The following SV2A variants were observed in gnomAD, a reference collection of about 807,000 sequenced individuals.
SV2A encodes the protein synaptic vesicle glycoprotein 2A.
SV2A carries 25 observed loss-of-function variants against 78.0 expected under a neutral mutation model. The observed-to-expected ratio is 0.32, with a 90% CI of 0.23 to 0.45. SV2A has a LOEUF of 0.45. Among genes scored for constraint, SV2A ranks in the 20% least tolerant of loss-of-function variants. The pLI is 1.00. For synonymous variants in SV2A, 355 were observed against 384.7 expected (o/e 0.92, Z 0.90); for missense variants, 752 against 971.5 (o/e 0.77, Z 3.00).
Position 149,904,804 on chromosome 1 carries a change from A to T in SV2A, c.*210T>A. On this transcript the variant is annotated 3_prime_UTR_variant, in exon 13 of 13. Coordinates refer to ENST00000369146, the MANE Select transcript of SV2A (RefSeq NM_014849.5). ...AGTGGGAAATGGGGAGTACAGCTTC[A>T]TCTCAAAACTGGGATGAAGGAGCCT... 1.8e-6 allele frequency: 1 copy of T among 542,574 alleles called. No homozygotes were observed. The highest frequency in any genetic ancestry group is 3.2e-6 in the Non-Finnish European group (1 of 307,930). 33.6% of individuals were successfully genotyped at this position (542,574 alleles called of 1,614,324 possible).
chr1:149,917,465 AGT>A (rs1297935664), intron 1 of SV2A, among the ~76,000 whole-genome samples: 1 of 152,266 alleles, frequency 6.6e-6, no homozygotes, highest in East Asian at 1.9e-4. Context: ...CGAAGGGGAT[AGT>A]GGGGACTTGG....
At position 149,905,931 on chromosome 1, in the gene SV2A, G is replaced by A. The variant is rs1313491326; in HGVS notation, c.1994C>T (p.Ser665Phe). ...LCLFGGVSIASWNALDVLTVE... is the reference protein window; with the variant it reads ...LCLFGGVSIAFWNALDVLTVE... ...AGTCAACACGTCCAGCGCATTCCAG[G>A]ATGCAATGCTGACCCCGCCAAAAAG... Residue 665 changes from serine to phenylalanine, a missense_variant, in exon 12 of 13, where the codon TCC becomes TTC. Ser to Phe is a radical substitution (Grantham distance 155). Coordinates refer to ENST00000369146, the MANE Select transcript of SV2A (RefSeq NM_014849.5). 1.2e-6 allele frequency: 2 copies of A among 1,614,006 alleles called. No individual in the cohort carries two copies. The highest frequency in any genetic ancestry group is 1.7e-6 in the Non-Finnish European group (2 of 1,180,038).
In SV2A at chr1:149,905,189, G is replaced by A. The variant is rs1553762534; in HGVS notation, c.2054C>T (p.Ala685Val). 6.2e-7 allele frequency: 1 copy of A among 1,607,956 alleles called. No homozygotes were observed. The change falls in exon 13 of 13, where the codon GCT becomes GTT. Residue 685 changes from alanine (A) to valine (V), a missense_variant. Physicochemically the swap from Ala to Val is moderately conservative, Grantham distance 64 (BLOSUM62 0). Coordinates refer to ENST00000369146, the MANE Select transcript of SV2A (RefSeq NM_014849.5). Reference protein sequence around the residue: ...ELYPSDKRTTAFGFLNALCKL... With the variant: ...ELYPSDKRTTVFGFLNALCKL... ...ACACAGGGCATTCAGGAAGCCAAAA[G>A]CTGTGGTCCTGCTCAGGAGTCCCCC...
rs2092435371 is a variant in SV2A at position 149,906,000 on chromosome 1, A to G, written c.1925T>C (p.Leu642Pro). ...SVMSCVSCFF[L>P]SFGNSESAMI... Reference sequence around the variant, plus strand: ...GGCCGACTCACTGTTCCCAAAAGACAGGAAGAAGCAGGAGACACAGGACAT... The same window carrying G: ...GGCCGACTCACTGTTCCCAAAAGACGGGAAGAAGCAGGAGACACAGGACAT... Residue 642 changes from leucine to proline, a missense_variant, in exon 12 of 13, where the codon CTG becomes CCG. Physicochemically the swap from Leu to Pro is moderately conservative, Grantham distance 98. This residue lies in a region of SV2A where 186 missense variants were observed against 274.6 expected (regional missense o/e 0.68). Transcript: ENST00000369146. 6.2e-7 allele frequency: 1 copy of G among 1,614,216 alleles called. No homozygotes were observed. The highest frequency in any genetic ancestry group is 8.5e-7 in the Non-Finnish European group (1 of 1,180,036).
Position 149,912,335 on chromosome 1 carries a change from A to G in SV2A, c.623-355T>C, listed in dbSNP as rs186254077. On this transcript the variant is annotated intron_variant, in intron 2 of 12. Transcript: ENST00000369146. ...CACAGACCACCCCAGGGTCCTCTCT[A>G]TTCTCCCTGCTTTGATCCCTCAAAG... Among the ~76,000 whole-genome samples the G allele has an allele frequency of 1.2e-3, 178 of 152,024 alleles. 2 individuals carry two copies. Among genetic ancestry groups the G allele is most frequent in the East Asian group, 7.5e-3 (39 of 5,168 alleles).
intron 5 of SV2A, 91 bp from the exon 6 acceptor site, chr1:149,909,981 C>G: frequency 8.3e-7 from 1 of 1,211,240 alleles, no homozygotes; most frequent in Non-Finnish European, 1.2e-6. Flanking sequence ...CTTCTGTAGT[C>G]ACAGGACACT....
At chr1:149,911,694 G>T in intron 3 of SV2A, 106 bp downstream of exon 3, 1 of 1,184,240 alleles carries the variant, frequency 8.4e-7, no homozygotes, top group Non-Finnish European at 1.2e-6. Context: ...AACTCACACA[G>T]ATTTAAGGTG....
At chr1:149,916,662 C>A (rs1191095433) in intron 1 of SV2A, among the ~76,000 whole-genome samples, 3 of 152,170 alleles carry the variant, frequency 2.0e-5, no homozygotes, top group African/African-American at 7.2e-5. Context: ...GGGGTCCACC[C>A]AGATCCCCAG....
chr1:149,912,071 GA>G, intron 2 of SV2A, 91 bp from the exon 3 acceptor site: 3 of 1,341,710 alleles, frequency 2.2e-6, no homozygotes, highest in East Asian at 2.5e-5. Context: ...TGAAGGATCT[GA>G]AAAACTTCTA....
At chr1:149,906,143 C>A in intron 11 of SV2A, 104 bp from the exon 12 acceptor site, 2 of 1,418,018 alleles carry the variant, frequency 1.4e-6, no homozygotes, top group Non-Finnish European at 1.9e-6. Context: ...CAGGATGAGA[C>A]TTGTTCCGAA....
chr1:149,904,312 TA>T lies in SV2A; in HGVS notation c.*701del, dbSNP rs1253070917. 6.5e-6 allele frequency: 1 copy of T among 152,844 alleles called. No individual in the cohort carries two copies. Among genetic ancestry groups the T allele is most frequent in the Non-Finnish European group, 1.5e-5 (1 of 68,210 alleles). The allele number at this position is 152,844 out of a possible 1,614,324, so 9.5% of individuals were successfully genotyped here. A position where few individuals can be genotyped will look rare whatever the true frequency, so the allele number is the denominator to read the frequency against. The stretch of plus-strand genomic sequence containing the variant: ...CCTTGGCTTATATTTGAGGACAGTA[TA>T]GTGATACCCCCCGCCCCATGGCACA... On this transcript the variant is annotated 3_prime_UTR_variant, in exon 13 of 13. Transcript: ENST00000369146.
At chr1:149,906,982 T>G in intron 10 of SV2A, 126 bp from the exon 11 acceptor site, 2 of 1,496,676 alleles carry the variant, frequency 1.3e-6, no homozygotes. Flanking sequence ...TTATTCACAG[T>G]GCTAATCACA....
intron 3 of SV2A, 118 bp from the exon 4 acceptor site, chr1:149,911,095 A>G: frequency 7.5e-7 from 1 of 1,334,134 alleles, no homozygotes; most frequent in South Asian, 1.5e-5. Context: ...ACTCCATCTC[A>G]CACATAAAGC....
In SV2A at chr1:149,909,841, G is replaced by C. The variant is rs2092464129; in HGVS notation, c.1139C>G (p.Thr380Ser). Reference sequence around the variant, plus strand: ...AGGATGTCCTTTGGCTCGCATGTTGGTATCATGGACCTGCTTCAGCACCAT... The same window carrying C: ...AGGATGTCCTTTGGCTCGCATGTTGCTATCATGGACCTGCTTCAGCACCAT... Reference protein sequence around the residue: ...AWMVLKQVHDTNMRAKGHPER... With the variant: ...AWMVLKQVHDSNMRAKGHPER... Residue 380 changes from threonine to serine, a missense_variant, in exon 6 of 13, where the codon ACC becomes AGC. Coordinates refer to ENST00000369146, the MANE Select transcript of SV2A (RefSeq NM_014849.5). 2.5e-6 allele frequency: 4 copies of C among 1,614,032 alleles called. No individual in the cohort carries two copies. Among genetic ancestry groups the C allele is most frequent in the Non-Finnish European group, 3.4e-6 (4 of 1,180,004 alleles).
At chr1:149,917,103 G>C (rs886339703) in intron 1 of SV2A, among the ~76,000 whole-genome samples, 38 of 151,784 alleles carry the variant, frequency 2.5e-4, no homozygotes, top group African/African-American at 8.7e-4. Context: ...CTCCACCCTT[G>C]GTCCTGCTGC....
rs2092495880 is a variant in SV2A, at chr1:149,914,003, C to T, written c.-163G>A. On this transcript the variant is annotated 5_prime_UTR_variant, in exon 2 of 13. Transcript: ENST00000369146. ...AAAAAAAAGAGCAAACAGGTCCTAG[C>T]CAATGAGTGCCTAGGAAGGAAAAGG... 1 of 1,046,332 alleles carries T rather than the reference C, an allele frequency of 9.6e-7. No homozygotes were observed. Among genetic ancestry groups the T allele is most frequent in the African/African-American group, 1.6e-5 (1 of 62,372 alleles). The allele number at this position is 1,046,332 out of a possible 1,614,324, so 64.8% of individuals were successfully genotyped here.
At chr1:149,915,107 TAGTTAACC>T (rs2092504463) in intron 1 of SV2A, among the ~76,000 whole-genome samples, 1 of 152,122 alleles carries the variant, frequency 6.6e-6, no homozygotes, top group African/African-American at 2.4e-5. Context: ...TCAGTCAGGG[TAGTTAACC>T]TCCCTAAGCC....
chr1:149,909,384 C>T lies in SV2A; in HGVS notation c.1290+77G>A. On this transcript the variant is annotated intron_variant, in intron 7 of 12. Coordinates refer to ENST00000369146, the MANE Select transcript of SV2A (RefSeq NM_014849.5). ...ACCTCCCTTCAGCTCACCCATCACC[C>T]ACACACATAGACTTCAGTCCTGCCT... 3.2e-6 allele frequency: 5 copies of T among 1,550,618 alleles called. No individual in the cohort carries two copies. In the South Asian group the frequency reaches 3.3e-5, roughly 10 times the overall value.
At chr1:149,915,054 T>A (rs2092504134) in intron 1 of SV2A, among the ~76,000 whole-genome samples, 1 of 152,010 alleles carries the variant, frequency 6.6e-6, no homozygotes, top group African/African-American at 2.4e-5. Context: ...CTGTTAGGGG[T>A]GACCTAAGTT....
Sources: gnomAD v4.1 joint callset for allele counts (sites outside exome capture counted in the v4.1 genomes callset) on GRCh38, gnomAD v4.1.1 for gene constraint, gnomAD v4.1.1 regional missense constraint, MANE v1.5 for transcripts, NCBI Gene and HGNC (gene_info 2026-07-23, HGNC 2026-07-21) for gene names.